Variants in ABCA10 observed in about 807,000 individuals in gnomAD.
ABCA10 encodes the protein ATP binding cassette subfamily A member 10.
A neutral mutation model predicts 187.5 loss-of-function variants in ABCA10; 169 were observed. The observed-to-expected ratio is 0.90, with a 90% confidence interval of 0.80 to 1.02. ABCA10 has a LOEUF of 1.02. ABCA10 is among the 50% of genes least tolerant of loss of function. The pLI, the probability that ABCA10 is intolerant of heterozygous loss-of-function variation, is 0.00. For missense variants in ABCA10, 1,727 were observed against 1,812.4 expected (o/e 0.95, Z 0.86); for synonymous variants, 574 against 601.8 (o/e 0.95, Z 0.68).
At chr17:69,232,120 A>G (rs1280463400), upstream of ABCA10, among the ~76,000 whole-genome samples, 1 of 151,888 alleles carries the variant, frequency 6.6e-6, no homozygotes, top group Admixed American at 6.6e-5. Flanking sequence ...TTTTCAATCT[A>G]TGTGTCTCTT....
At chr17:69,241,954 A>G (rs1020751368) in intron 1 of ABCA10, among the ~76,000 whole-genome samples, 2 of 152,216 alleles carry the variant, frequency 1.3e-5, no homozygotes, top group African/African-American at 4.8e-5. Context: ...CGGCTCTAAA[A>G]ACTATCTAGT....
intron 11 of ABCA10, 71 bp from the exon 12 acceptor site, chr17:69,194,566 A>G: frequency 9.9e-7 from 1 of 1,006,882 alleles, no homozygotes; most frequent in Non-Finnish European, 1.5e-6. Flanking sequence ...AAAATTGGAA[A>G]AGTAAAATAT....
intron 9 of ABCA10, among the ~76,000 whole-genome samples, chr17:69,207,635 TAAGTA>T (rs1179020432): frequency 2.0e-5 from 3 of 152,166 alleles, no homozygotes; most frequent in African/African-American, 4.8e-5. Flanking sequence ...TACATTATGT[TAAGTA>T]AAGTAAGCCA....
At chr17:69,222,015 T>C (rs946920263) in intron 4 of ABCA10, 120 bp from the exon 5 acceptor site, 2 of 734,674 alleles carry the variant, frequency 2.7e-6, no homozygotes, top group African/African-American at 1.8e-5. Flanking sequence ...CCTATGATTA[T>C]ATGATATAGA....
At position 69,176,914 on chromosome 17, in the gene ABCA10, C is replaced by T. The variant is rs12602356; in HGVS notation, c.2770-1401G>A. On this transcript the variant is annotated intron_variant, in intron 22 of 38. Coordinates refer to ENST00000690296, the MANE Select transcript of ABCA10 (RefSeq NM_001377321.1). ...GAGTGTACAAGCAGTTTGGGTCCAA[C>T]TAAAGAGATACCTTTTTTCTCCTTT... Among the ~76,000 whole-genome samples the T allele has an allele frequency of 2.4e-3, 360 of 152,234 alleles. 12 individuals carry two copies. The East Asian group carries it at 0.059, about 25-fold the overall frequency.
At chr17:69,228,514 T>C (rs1049439987) in intron 1 of ABCA10, 67 bp downstream of exon 1, 33 of 152,018 alleles carry the variant, frequency 2.2e-4, no homozygotes, top group African/African-American at 8.0e-4. Flanking sequence ...ATGTTTGGCT[T>C]TGGCTATATA....
upstream of ABCA10, among the ~76,000 whole-genome samples, chr17:69,232,402 T>A (rs1226854111): frequency 6.6e-6 from 1 of 151,998 alleles, no homozygotes; most frequent in Non-Finnish European, 1.5e-5. Flanking sequence ...CTATTATAGG[T>A]TTTTGCTTTG....
chr17:69,202,689 G>C (rs1432942829), intron 9 of ABCA10, among the ~76,000 whole-genome samples: 2 of 151,946 alleles, frequency 1.3e-5, no homozygotes, highest in African/African-American at 4.8e-5. Context: ...AATTATACAG[G>C]GATCTTTATC....
intron 34 of ABCA10, 41 bp downstream of exon 34, chr17:69,153,264 G>T: frequency 6.4e-7 from 1 of 1,565,412 alleles, no homozygotes; most frequent in Non-Finnish European, 8.6e-7. Flanking sequence ...TATCCTAGAG[G>T]TATTCTCTTG....
At chr17:69,188,112 T>G (rs2074435898) in intron 18 of ABCA10, among the ~76,000 whole-genome samples, 1 of 152,190 alleles carries the variant, frequency 6.6e-6, no homozygotes, top group Non-Finnish European at 1.5e-5. Flanking sequence ...TAACAAGCAT[T>G]TATTCTTTCA....
rs2074884102 is a variant in ABCA10, at chr17:69,238,263, C to T, written c.-593+6266G>A. Among the ~76,000 whole-genome samples the T allele has an allele frequency of 3.3e-5, 5 of 152,086 alleles. No homozygotes were observed. In the South Asian group the frequency reaches 6.2e-4, roughly 19 times the overall value. ...AAAAATGAACCAACCCTGCTGACAT[C>T]TTGATTTTAGACTTTTGGCCTCTAG... On this transcript the variant is annotated intron_variant, in intron 1 of 39. Transcript: ENST00000269081.
At position 69,153,324 on chromosome 17, in the gene ABCA10, C is replaced by G. The variant is rs201375015; in HGVS notation, c.4117G>C (p.Glu1373Gln). Reference sequence around the variant, plus strand: ...CCTTACCACATTTGCTGCTGCCCCTCGGGGTCCATCCCGGTGAACGGCTCA... The same window carrying G: ...CCTTACCACATTTGCTGCTGCCCCTGGGGGTCCATCCCGGTGAACGGCTCA... ...LDEPFTGMDP[E>Q]GQQQMWQILQ... is the part of the protein sequence containing the mutation. The change falls in exon 34 of 39, where the codon GAG (glutamate) becomes CAG (glutamine). Residue 1373 changes from glutamate (E) to glutamine (Q), a missense_variant. Transcript: ENST00000690296. 4 of 1,612,482 alleles carry G rather than the reference C, an allele frequency of 2.5e-6. No individual in the cohort carries two copies. The highest frequency in any genetic ancestry group is 2.7e-5 in the African/African-American group (2 of 74,854).
chr17:69,233,303 A>G (rs1037442203), upstream of ABCA10: 1 of 151,840 alleles, frequency 6.6e-6, no homozygotes, highest in Admixed American at 6.6e-5. Context: ...CCTGTCTTTG[A>G]GTTCCCTAAT....
At chr17:69,211,688 T>C (rs2074661634) in intron 9 of ABCA10, among the ~76,000 whole-genome samples, 1 of 152,118 alleles carries the variant, frequency 6.6e-6, no homozygotes, top group Non-Finnish European at 1.5e-5. Flanking sequence ...TCAGGGTTTC[T>C]ATTTCTTCCT....
rs756747549 is a variant in ABCA10 at position 69,194,039 on chromosome 17, CAG to C, written c.1346-52_1346-51del. The C allele has an allele frequency of 8.2e-6, 12 of 1,463,504 alleles. No individual in the cohort carries two copies. The South Asian group carries it at 1.0e-4, about 13-fold the overall frequency. The allele number at this position is 1,463,504 out of a possible 1,614,324, so 90.7% of individuals were successfully genotyped here. On this transcript the variant is annotated intron_variant, in intron 12 of 38. Coordinates refer to ENST00000690296, the MANE Select transcript of ABCA10 (RefSeq NM_001377321.1). Reference sequence around the variant, plus strand: ...TTACTGCCAGAATGTTAATTCTATGCAGAGTGATAATATATGTTAGTATTTAG... The same window carrying C: ...TTACTGCCAGAATGTTAATTCTATGCAGTGATAATATATGTTAGTATTTAG...
At chr17:69,201,398 T>G (rs1329657364) in intron 10 of ABCA10, 102 bp downstream of exon 10, 1 of 1,090,054 alleles carries the variant, frequency 9.2e-7, no homozygotes, top group Non-Finnish European at 1.2e-6. Context: ...AGAGAAATAA[T>G]AAAAAGAAAA....
At chr17:69,177,971 A>ATAT (rs1480621345) in intron 22 of ABCA10, among the ~76,000 whole-genome samples, 18 of 56,966 alleles carry the variant, frequency 3.2e-4, no homozygotes, top group East Asian at 1.0e-3. Flanking sequence ...AAAAAAAAAA[A>ATAT]AAATATATAT....
intron 25 of ABCA10, among the ~76,000 whole-genome samples, 194 bp from the exon 26 acceptor site, chr17:69,165,277 G>A (rs2074247197): frequency 6.6e-6 from 1 of 151,964 alleles, no homozygotes. Flanking sequence ...ATTACAATAA[G>A]GTCTGTCATA....
chr17:69,210,650 T>A (rs988447835), intron 9 of ABCA10, among the ~76,000 whole-genome samples: 1 of 152,024 alleles, frequency 6.6e-6, no homozygotes, highest in South Asian at 2.1e-4. Context: ...CTCCCACTTA[T>A]AAGCAAGAGC....
Sources: gnomAD v4.1 joint callset for allele counts (sites outside exome capture counted in the v4.1 genomes callset) on GRCh38, gnomAD v4.1.1 for gene constraint, MANE v1.5 for transcripts, NCBI Gene and HGNC (gene_info 2026-07-23, HGNC 2026-07-21) for gene names.